AP2A1: variants seen among roughly 807,000 people sequenced by gnomAD.
AP2A1 encodes the protein AP-2 complex subunit alpha-1.
A neutral mutation model predicts 107.3 loss-of-function variants in AP2A1; 21 were observed. That is an observed-to-expected ratio of 0.20 (90% confidence interval 0.14 to 0.28). AP2A1 has a LOEUF of 0.28. Among genes scored for constraint, AP2A1 ranks in the 10% least tolerant of loss-of-function variants. AP2A1 has a pLI of 1.00. For synonymous variants in AP2A1, 602 were observed against 564.8 expected (o/e 1.07, Z -0.93); for missense variants, 873 against 1,307.7 (o/e 0.67, Z 5.13).
chr19:49,770,124 C>T (rs1409692816), intron 1 of AP2A1, among the ~76,000 whole-genome samples: 2 of 152,140 alleles, frequency 1.3e-5, no homozygotes, highest in Non-Finnish European at 2.9e-5. Context: ...CCGCCTTGGC[C>T]TCCCAAAGTG....
At chr19:49,784,449 A>G (rs953190910) in intron 4 of AP2A1, among the ~76,000 whole-genome samples, 13 of 152,076 alleles carry the variant, frequency 8.5e-5, no homozygotes, top group African/African-American at 3.1e-4. Context: ...AAAAAGAAAA[A>G]GAAAACAGAA....
intron 4 of AP2A1, among the ~76,000 whole-genome samples, chr19:49,783,057 C>T (rs2084696619): frequency 6.6e-6 from 1 of 152,230 alleles, no homozygotes; most frequent in Non-Finnish European, 1.5e-5. Context: ...ATTCACCAAA[C>T]ATTTACTGAG....
chr19:49,799,086 G>A, intron 8 of AP2A1, 134 bp downstream of exon 8: 4 of 1,315,348 alleles, frequency 3.0e-6, no homozygotes, highest in East Asian at 2.5e-5. Flanking sequence ...ATGGGGCTGT[G>A]AAGTGTCACC....
At chr19:49,802,558 G>T in intron 15 of AP2A1, 1 of 1,606,566 alleles carries the variant, frequency 6.2e-7, no homozygotes. Context: ...CTGCCCCCGA[G>T]AGCCCCATGG....
At chr19:49,798,468 G>A (rs576751176) in intron 7 of AP2A1, among the ~76,000 whole-genome samples, 7 of 152,324 alleles carry the variant, frequency 4.6e-5, no homozygotes, top group African/African-American at 1.7e-4. Context: ...AGCTTCCTTT[G>A]CTCTGTGAGA....
chr19:49,775,098 T>C (rs1012675289), intron 1 of AP2A1, among the ~76,000 whole-genome samples: 2 of 151,176 alleles, frequency 1.3e-5, no homozygotes, highest in African/African-American at 4.9e-5. Flanking sequence ...CATGGTGGCA[T>C]GCACCTGTAG....
chr19:49,805,884 G>A lies in AP2A1; in HGVS notation c.2598G>A (p.Glu866=), dbSNP rs1280875156. 4.3e-6 allele frequency: 7 copies of A among 1,613,734 alleles called. No individual in the cohort carries two copies. The highest frequency in any genetic ancestry group is 1.1e-5 in the South Asian group (1 of 91,092). ...RWKQLSLPQQ[E]AQKIFKANHP... Reference sequence around the variant, plus strand: ...TCCCGGTCCCCAGCCCTCAACAGGAGGCGCAGAAAATCTTCAAAGCCAACC... The same window carrying A: ...TCCCGGTCCCCAGCCCTCAACAGGAAGCGCAGAAAATCTTCAAAGCCAACC... Residue 866 remains glutamate, a synonymous_variant, in exon 21 of 23, where the codon GAG becomes GAA. Transcript: ENST00000354293.
intron 5 of AP2A1, among the ~76,000 whole-genome samples, chr19:49,792,624 A>C (rs2073160504): frequency 7.0e-6 from 1 of 143,442 alleles, no homozygotes. Flanking sequence ...AGAAAATCCC[A>C]CTCTGTTTCT....
chr19:49,792,314 G>A (rs1173494346), intron 5 of AP2A1, among the ~76,000 whole-genome samples: 30 of 141,760 alleles, frequency 2.1e-4, no homozygotes, highest in African/African-American at 6.7e-4. Flanking sequence ...TCACGCCCCC[G>A]GATACCCAGG....
chr19:49,804,451 G>C (rs2073334722), intron 18 of AP2A1: 1 of 151,544 alleles, frequency 6.6e-6, no homozygotes, highest in Non-Finnish European at 1.5e-5. Context: ...TGAGGCAGGA[G>C]AGTGGCGTGA....
intron 1 of AP2A1, among the ~76,000 whole-genome samples, chr19:49,779,742 T>C (rs548792841): frequency 6.6e-6 from 1 of 152,344 alleles, no homozygotes; most frequent in Admixed American, 6.5e-5. Context: ...TGAAATATTT[T>C]ACATTTTTTC....
rs182872821 is a variant in AP2A1, at chr19:49,794,179, C to T, written c.705+1087C>T. On this transcript the variant is annotated intron_variant, in intron 6 of 22. Coordinates refer to ENST00000354293, the MANE Select transcript of AP2A1 (RefSeq NM_130787.3). ...CCTCCTAAAGTGCTGGGATTACCGG[C>T]GTGAGCCACTGCGCCTGGCCCACTC... is the stretch of plus-strand genomic sequence containing the variant. 7.2e-3 allele frequency among the ~76,000 whole-genome samples: 1,083 copies of T among 150,012 alleles called. 4 individuals carry two copies. Among genetic ancestry groups the T allele is most frequent in the South Asian group, 0.012 (57 of 4,726 alleles).
chr19:49,780,791 G>A (rs974850071), intron 1 of AP2A1, among the ~76,000 whole-genome samples: 19 of 152,096 alleles, frequency 1.2e-4, no homozygotes, highest in African/African-American at 1.4e-4. Context: ...TGGGAGGATC[G>A]CTGGATCCCA....
At chr19:49,805,630 G>C (rs968445086) in intron 19 of AP2A1, 31 bp from the exon 20 acceptor site, 12 of 1,553,318 alleles carry the variant, frequency 7.7e-6, no homozygotes, top group Non-Finnish European at 1.0e-5. Flanking sequence ...GAGGGGCGGG[G>C]CCTAATGGAG....
At chr19:49,797,982 T>C (rs944217601) in intron 7 of AP2A1, among the ~76,000 whole-genome samples, 1 of 152,200 alleles carries the variant, frequency 6.6e-6, no homozygotes, top group Non-Finnish European at 1.5e-5. Flanking sequence ...CCCCTACACC[T>C]GTTTATGGAG....
At chr19:49,795,845 T>G in intron 7 of AP2A1, 107 bp downstream of exon 7, 2 of 896,354 alleles carry the variant, frequency 2.2e-6, no homozygotes, top group South Asian at 3.0e-5. Flanking sequence ...GGGTCAGGAT[T>G]TCTCTGAAGC....
chr19:49,787,347 G>T (rs10421750), intron 4 of AP2A1, among the ~76,000 whole-genome samples: 19,732 of 94,400 alleles, frequency 0.21, 2,351 homozygotes, highest in African/African-American at 0.25. Flanking sequence ...TGTTTTTTTT[G>T]TTTTTTGTTT....
intron 18 of AP2A1, chr19:49,805,120 T>C (rs1380832568): frequency 1.1e-5 from 3 of 275,946 alleles, no homozygotes; most frequent in East Asian, 6.4e-5. Context: ...GGCTTACACA[T>C]GTCCAGAGGC....
chr19:49,767,264 T>G, intron 1 of AP2A1, 64 bp downstream of exon 1: 123 of 1,464,672 alleles, frequency 8.4e-5, no homozygotes, highest in Non-Finnish European at 1.0e-4. Context: ...TTGAGGGGTT[T>G]GGGGATCACA....
Sources: gnomAD v4.1 joint callset for allele counts (sites outside exome capture counted in the v4.1 genomes callset) on GRCh38, gnomAD v4.1.1 for gene constraint, MANE v1.5 for transcripts, NCBI Gene and HGNC (gene_info 2026-07-23, HGNC 2026-07-21) for gene names.